The following NEDD4 variants were observed in gnomAD, a reference collection of about 807,000 sequenced individuals.
The protein encoded by NEDD4 is E3 ubiquitin-protein ligase NEDD4.
Under a neutral mutation model 144.9 loss-of-function variants are expected in NEDD4, and 99 were observed. The observed-to-expected ratio is 0.68, with a 90% CI of 0.58 to 0.81. NEDD4 has a LOEUF of 0.81. Among genes scored for constraint, NEDD4 ranks in the 30% least tolerant of loss-of-function variants. NEDD4 has a pLI of 0.00. For synonymous variants in NEDD4, 318 were observed against 350.6 expected, an observed-to-expected ratio of 0.91 and a Z score of 1.04; for missense variants, 985 against 1,065.9, an observed-to-expected ratio of 0.92 and a Z score of 1.06.
At position 55,866,216 on chromosome 15, in the gene NEDD4, T is replaced by C. The variant is rs969172866; in HGVS notation, c.508-3137A>G. Among the ~76,000 whole-genome samples, 5 of 150,570 alleles carry C rather than the reference T, an allele frequency of 3.3e-5. No homozygotes were observed. The South Asian group carries it at 1.0e-3, about 31-fold the overall frequency. ...AGCGTGAGCCACTGTGCCCAACCTTTCTTCTTTTTTTTTTTAAATTTTTAC... is the reference window on the plus strand; with the variant it reads ...AGCGTGAGCCACTGTGCCCAACCTTCCTTCTTTTTTTTTTTAAATTTTTAC... On this transcript the variant is annotated intron_variant, in intron 8 of 28. Coordinates refer to ENST00000435532, the MANE Select transcript of NEDD4 (RefSeq NM_006154.4).
chr15:55,973,140 T>C (rs1241543340), intron 1 of NEDD4, among the ~76,000 whole-genome samples: 3 of 152,318 alleles, frequency 2.0e-5, no homozygotes, highest in African/African-American at 4.8e-5. Flanking sequence ...ATGGACCTAA[T>C]AGATATTTAC....
chr15:55,858,044 C>T (rs2034263952), intron 11 of NEDD4, among the ~76,000 whole-genome samples: 1 of 152,154 alleles, frequency 6.6e-6, no homozygotes, highest in African/African-American at 2.4e-5. Flanking sequence ...GTAAATTATA[C>T]ACATATTTAT....
chr15:55,925,082 AAAAC>A (rs532228892), intron 4 of NEDD4, among the ~76,000 whole-genome samples: 4 of 152,186 alleles, frequency 2.6e-5, no homozygotes, highest in African/African-American at 7.2e-5. Flanking sequence ...AAAACAAAAC[AAAAC>A]AAACAAACAA....
intron 2 of NEDD4, 142 bp from the exon 3 acceptor site, chr15:55,951,731 A>C: frequency 1.6e-6 from 1 of 626,094 alleles, no homozygotes; most frequent in Non-Finnish European, 2.4e-6. Context: ...CAGGATTCTT[A>C]GGCAGGTAAG....
chr15:55,959,920 C>T (rs2037398552), intron 2 of NEDD4, among the ~76,000 whole-genome samples: 1 of 152,188 alleles, frequency 6.6e-6, no homozygotes, highest in Non-Finnish European at 1.5e-5. Flanking sequence ...TTTTATGTTG[C>T]CTCAGCATCC....
intron 8 of NEDD4, among the ~76,000 whole-genome samples, chr15:55,865,153 G>A (rs1243609044): frequency 3.0e-5 from 4 of 135,416 alleles, no homozygotes; most frequent in South Asian, 2.4e-4. Context: ...AGCTGAGATC[G>A]CACCACTGCA....
At chr15:55,937,207 C>G (rs2036910687) in intron 4 of NEDD4, among the ~76,000 whole-genome samples, 1 of 152,140 alleles carries the variant, frequency 6.6e-6, no homozygotes, top group Non-Finnish European at 1.5e-5. Context: ...TATAAAACTG[C>G]CTTCAACTTC....
intron 5 of NEDD4, among the ~76,000 whole-genome samples, chr15:55,923,747 T>C (rs1040398063): frequency 2.0e-5 from 3 of 151,910 alleles, no homozygotes; most frequent in Non-Finnish European, 2.9e-5. Context: ...AAAGATTTCA[T>C]TGGCAATATC....
chr15:55,946,772 G>A (rs2037123490), intron 4 of NEDD4, among the ~76,000 whole-genome samples: 1 of 152,100 alleles, frequency 6.6e-6, no homozygotes, highest in Non-Finnish European at 1.5e-5. Flanking sequence ...GCACTCCTCA[G>A]CAAATGTAAA....
Position 55,924,634 on chromosome 15 carries a change from A to G in NEDD4, c.291+12T>C. On this transcript the variant is annotated intron_variant, in intron 5 of 28. Coordinates refer to ENST00000435532, the MANE Select transcript of NEDD4 (RefSeq NM_006154.4). ...CTTACTTCATATTTCATATAAGCAC[A>G]ATATAACTTACCAATCGGTTTTCGT... 6.2e-7 allele frequency: 1 copy of G among 1,603,838 alleles called. No individual in the cohort carries two copies. Among genetic ancestry groups the G allele is most frequent in the Non-Finnish European group, 8.5e-7 (1 of 1,174,360 alleles).
At position 55,860,461 on chromosome 15, in the gene NEDD4, A is replaced by C; in HGVS notation, c.906T>G (p.Asn302Lys). Residue 302 changes from asparagine to lysine, a missense_variant, in exon 11 of 29, where the codon AAT becomes AAG. Asn to Lys is a moderately conservative substitution (Grantham distance 94). Transcript: ENST00000435532. Reference protein sequence around the residue: ...DVPTHLAEELNARLTIFGNSA... With the variant: ...DVPTHLAEELKARLTIFGNSA... The stretch of plus-strand genomic sequence containing the variant: ...AATTTCCAAAAATGGTGAGTCTGGC[A>C]TTCAATTCTTCTGCAAGATGAGTTG... 6 of 1,614,160 alleles carry C rather than the reference A, an allele frequency of 3.7e-6. No individual in the cohort carries two copies. Among genetic ancestry groups the C allele is most frequent in the Non-Finnish European group, 4.2e-6 (5 of 1,180,004 alleles).
chr15:55,900,688 A>G (rs150732136), intron 5 of NEDD4, among the ~76,000 whole-genome samples: 31 of 152,320 alleles, frequency 2.0e-4, no homozygotes, highest in African/African-American at 7.2e-4. Flanking sequence ...GCTTATATGA[A>G]TCATACAAAA....
chr15:55,921,542 G>T (rs977385470), intron 5 of NEDD4, among the ~76,000 whole-genome samples: 2 of 151,950 alleles, frequency 1.3e-5, no homozygotes, highest in African/African-American at 4.8e-5. Context: ...CCAGGCTGGT[G>T]TCGAACTCCT....
At chr15:55,908,873 T>TA (rs1402151043) in intron 5 of NEDD4, among the ~76,000 whole-genome samples, 1 of 152,068 alleles carries the variant, frequency 6.6e-6, no homozygotes, top group Non-Finnish European at 1.5e-5. Context: ...GACCTCATCA[T>TA]AAAAAAACAA....
intron 1 of NEDD4, among the ~76,000 whole-genome samples, chr15:55,974,175 T>C (rs1319920407): frequency 6.6e-6 from 1 of 152,028 alleles, no homozygotes; most frequent in Admixed American, 6.6e-5. Context: ...CTAAAGGAAA[T>C]GGATAAATTC....
chr15:55,911,300 A>G (rs2036265573), intron 5 of NEDD4, among the ~76,000 whole-genome samples: 1 of 151,972 alleles, frequency 6.6e-6, no homozygotes, highest in Admixed American at 6.6e-5. Flanking sequence ...CCCCACTACA[A>G]AAGTGTCCAG....
At chr15:55,869,160 C>T (rs2034687226) in intron 8 of NEDD4, among the ~76,000 whole-genome samples, 1 of 152,096 alleles carries the variant, frequency 6.6e-6, no homozygotes, top group South Asian at 2.1e-4. Context: ...TCCTTGCTCC[C>T]TAATTCCCCT....
chr15:55,902,488 A>G (rs184057159), intron 5 of NEDD4, among the ~76,000 whole-genome samples: 2 of 152,260 alleles, frequency 1.3e-5, no homozygotes, highest in Admixed American at 6.5e-5. Flanking sequence ...GTATTTTTTA[A>G]AAAAGATTCT....
At chr15:55,961,074 A>G (rs1425635245) in intron 2 of NEDD4, among the ~76,000 whole-genome samples, 1 of 152,174 alleles carries the variant, frequency 6.6e-6, no homozygotes, top group African/African-American at 2.4e-5. Flanking sequence ...GCTATCTGCT[A>G]TTTTGGTAGG....
Sources: allele counts gnomAD v4.1 joint callset (sites outside exome capture counted in the v4.1 genomes callset), GRCh38; gene constraint gnomAD v4.1.1; transcripts MANE v1.5; gene names NCBI Gene and HGNC (gene_info 2026-07-23, HGNC 2026-07-21).